Variants in ZBTB7A observed in about 807,000 individuals in gnomAD.
ZBTB7A encodes the protein zinc finger and BTB domain-containing protein 7A.
A neutral mutation model predicts 26.7 loss-of-function variants in ZBTB7A; 7 were observed. The observed-to-expected ratio is 0.26, with a 90% CI of 0.15 to 0.49. The LOEUF is 0.49. Ranked by LOEUF, ZBTB7A falls within the 20% of genes least tolerant of loss-of-function variation. The pLI, the probability that ZBTB7A is intolerant of heterozygous loss-of-function variation, is 0.98. For synonymous variants in ZBTB7A, 452 were observed against 441.0 expected (o/e 1.02, Z -0.31); for missense variants, 617 against 919.5 (o/e 0.67, Z 4.25).
intron 1 of ZBTB7A, 196 bp from the exon 2 acceptor site, chr19:4,055,443 A>G: frequency 8.1e-6 from 8 of 985,268 alleles, no homozygotes; most frequent in East Asian, 1.1e-4. Context: ...CCAAAGCGAT[A>G]CATGCCCTGC....
Position 4,054,192 on chromosome 19 carries a change from G to A in ZBTB7A, c.1041C>T (p.Gly347=), listed in dbSNP as rs771403559. 5.6e-6 allele frequency: 9 copies of A among 1,593,292 alleles called. No homozygotes were observed. Among genetic ancestry groups the A allele is most frequent in the South Asian group, 1.1e-5 (1 of 90,594 alleles). The part of the protein sequence containing the change: ...SDEESRADDK[G]VMDYYLKYFS... ...AGTACTTCAGGTAGTAGTCCATGAC[G>A]CCCTTGTCGTCGGCCCGCGACTCCT... is the stretch of plus-strand genomic sequence containing the variant. Residue 347 remains glycine, a synonymous_variant, in exon 2 of 3, where the codon GGC becomes GGT. Coordinates refer to ENST00000322357, the MANE Select transcript of ZBTB7A (RefSeq NM_015898.4).
chr19:4,065,914 G>A (rs2040691551), intron 1 of ZBTB7A, among the ~76,000 whole-genome samples: 1 of 141,556 alleles, frequency 7.1e-6, no homozygotes. Context: ...CCCCCTGGCG[G>A]GCTGGCCCCG....
intron 2 of ZBTB7A, among the ~76,000 whole-genome samples, chr19:4,049,744 G>C (rs1013447377): frequency 6.6e-6 from 1 of 152,100 alleles, no homozygotes; most frequent in Admixed American, 6.5e-5. Context: ...CCCTATCTGG[G>C]CTCCACCCTG....
intron 1 of ZBTB7A, among the ~76,000 whole-genome samples, chr19:4,061,254 G>T (rs1302161307): frequency 6.6e-6 from 1 of 152,214 alleles, no homozygotes; most frequent in African/African-American, 2.4e-5. Context: ...GAGTGGTGGG[G>T]CCTGAGGAGG....
At chr19:4,051,430 T>C (rs2144982606) in intron 2 of ZBTB7A, among the ~76,000 whole-genome samples, 1 of 152,280 alleles carries the variant, frequency 6.6e-6, no homozygotes, top group East Asian at 1.9e-4. Flanking sequence ...CCCCTCTGGG[T>C]TCCTCCAGCC....
At chr19:4,059,092 T>G (rs886939398) in intron 1 of ZBTB7A, among the ~76,000 whole-genome samples, 10 of 152,154 alleles carry the variant, frequency 6.6e-5, no homozygotes, top group Non-Finnish European at 1.0e-4. Flanking sequence ...CGTCTGGCCC[T>G]GGGCCGCGGG....
intron 1 of ZBTB7A, among the ~76,000 whole-genome samples, chr19:4,058,726 G>A (rs1223747645): frequency 1.3e-5 from 2 of 152,274 alleles, no homozygotes; most frequent in East Asian, 1.9e-4. Context: ...TGACGCCGAC[G>A]GGCTTGAGCC....
rs539952996 is a variant in ZBTB7A at position 4,057,208 on chromosome 19, T to G, written c.-15-1961A>C. Among the ~76,000 whole-genome samples, 3 of 131,544 alleles carry G rather than the reference T, an allele frequency of 2.3e-5. No individual in the cohort carries two copies. In the East Asian group the frequency reaches 7.4e-4, roughly 33 times the overall value. The allele number at this position is 131,544 out of a possible 152,430, so 86.3% of individuals were successfully genotyped here. On this transcript the variant is annotated intron_variant, in intron 1 of 2. Transcript: ENST00000322357. The stretch of plus-strand genomic sequence containing the variant: ...TACTAAAAATACAAAATTAGCCAGG[T>G]GTGGTGGCGCGTGCCTGTAATCCCA...
At chr19:4,050,726 G>A (rs1260412889) in intron 2 of ZBTB7A, among the ~76,000 whole-genome samples, 1 of 152,170 alleles carries the variant, frequency 6.6e-6, no homozygotes, top group Non-Finnish European at 1.5e-5. Flanking sequence ...TACTGGGTTA[G>A]GTAAAATGTT....
intron 2 of ZBTB7A, among the ~76,000 whole-genome samples, chr19:4,049,166 G>GTATATATATATATATATATATA (rs1186333792): frequency 7.4e-5 from 1 of 13,476 alleles, no homozygotes; most frequent in Non-Finnish European, 1.5e-4. Flanking sequence ...GTGTGTGTGT[G>GTATATATATATATATATATATA]TGTATATATA....
At chr19:4,049,168 G>A (rs62131553) in intron 2 of ZBTB7A, among the ~76,000 whole-genome samples, 4,850 of 13,488 alleles carry the variant, frequency 0.36, 481 homozygotes, top group Non-Finnish European at 0.39. Flanking sequence ...GTGTGTGTGT[G>A]TATATATATA....
chr19:4,054,289 G>A lies in ZBTB7A; in HGVS notation c.944C>T (p.Ala315Val), dbSNP rs1487695504. The A allele has an allele frequency of 3.2e-6, 5 of 1,545,366 alleles. No individual in the cohort carries two copies. The highest frequency in any genetic ancestry group is 3.9e-5 in the Admixed American group (2 of 51,296). The change falls in exon 2 of 3, where the codon GCG (alanine) becomes GTG (valine). Residue 315 changes from alanine (A) to valine (V), a missense_variant. By Grantham distance (64) the Ala-to-Val change is moderately conservative. Around this residue, in one of 5 missense-constraint regions of ZBTB7A, gnomAD observed 331 missense variants for 391.3 expected, o/e 0.85. Transcript: ENST00000322357. Reference sequence around the variant, plus strand: ...CATCTGCTGCAGCAGCGTGCTGGCCGCCAGCCCGTCCACGTCGGGCCCGTC... The same window carrying A: ...CATCTGCTGCAGCAGCGTGCTGGCCACCAGCCCGTCCACGTCGGGCCCGTC... ...DGDGPDVDGLAASTLLQQMMS... is the reference protein window; with the variant it reads ...DGDGPDVDGLVASTLLQQMMS...
rs1277546084 is a variant in ZBTB7A at position 4,043,327 on chromosome 19, G to T, written c.*4425C>A. Among the ~76,000 whole-genome samples, 1 of 150,336 alleles carries T rather than the reference G, an allele frequency of 6.7e-6. No individual in the cohort carries two copies. Among genetic ancestry groups the T allele is most frequent in the Non-Finnish European group, 1.5e-5 (1 of 67,502 alleles). On this transcript the variant is annotated 3_prime_UTR_variant, in exon 3 of 3. Transcript: ENST00000322357. ...CGGTCGTAACAGGCTGCGTTTAGTG[G>T]TTCTTTTTTTTTTTTTATGTACAAG... is the stretch of plus-strand genomic sequence containing the variant.
chr19:4,043,714 GGCCCGGCCCCCCC>G lies in ZBTB7A; in HGVS notation c.*4025_*4037del, dbSNP rs1568226491. Among the ~76,000 whole-genome samples the G allele has an allele frequency of 6.1e-5, 3 of 49,056 alleles. No individual in the cohort carries two copies. The highest frequency in any genetic ancestry group is 2.2e-4 in the African/African-American group (3 of 13,400). The allele number at this position is 49,056 out of a possible 152,430, so 32.2% of individuals were successfully genotyped here. On this transcript the variant is annotated 3_prime_UTR_variant, in exon 3 of 3. Coordinates refer to ENST00000322357, the MANE Select transcript of ZBTB7A (RefSeq NM_015898.4). Reference sequence around the variant, plus strand: ...TCTCCCTGGCCCCCTCCACCCCCTGGGCCCGGCCCCCCCCCCCCCCCCCCGTAAATCTATGTAT... The same window carrying G: ...TCTCCCTGGCCCCCTCCACCCCCTGGCCCCCCCCCCCGTAAATCTATGTAT...
In ZBTB7A at chr19:4,052,194, G is replaced by C. The variant is rs746447577; in HGVS notation, c.1262+1777C>G. Among the ~76,000 whole-genome samples the C allele has an allele frequency of 1.3e-5, 2 of 152,212 alleles. No homozygotes were observed. The highest frequency in any genetic ancestry group is 2.9e-5 in the Non-Finnish European group (2 of 67,988). ...GCAGTGCCCGAGTCAGAATGAAACC[G>C]GGCCTGTGGCCTGCGGCCAGGGAGG... On this transcript the variant is annotated intron_variant, in intron 2 of 2. Coordinates refer to ENST00000322357, the MANE Select transcript of ZBTB7A (RefSeq NM_015898.4). This position sits in a 1 kb window ranked among gnomAD's most constrained non-coding sequence, Gnocchi z 4.9.
chr19:4,056,693 C>T (rs977441189), intron 1 of ZBTB7A, among the ~76,000 whole-genome samples: 16 of 152,252 alleles, frequency 1.1e-4, no homozygotes, highest in African/African-American at 3.9e-4. Flanking sequence ...CACAGTGAAA[C>T]TCTGTCTCTA....
chr19:4,057,411 G>C (rs2040592071), intron 1 of ZBTB7A, among the ~76,000 whole-genome samples: 1 of 152,180 alleles, frequency 6.6e-6, no homozygotes, highest in Non-Finnish European at 1.5e-5. Flanking sequence ...CTCGAGAGAA[G>C]TGCCCTGATC....
intron 1 of ZBTB7A, among the ~76,000 whole-genome samples, chr19:4,064,701 G>A (rs1276067822): frequency 6.6e-6 from 1 of 152,154 alleles, no homozygotes; most frequent in Non-Finnish European, 1.5e-5. Flanking sequence ...CAGCTGGCAG[G>A]GAGGTGGGGG....
At chr19:4,050,675 C>G (rs1453677895) in intron 2 of ZBTB7A, among the ~76,000 whole-genome samples, 3 of 152,150 alleles carry the variant, frequency 2.0e-5, no homozygotes, top group Non-Finnish European at 2.9e-5. Context: ...TAAAATGGCT[C>G]AATGAGGATC....
Sources: allele counts gnomAD v4.1 joint callset (sites outside exome capture counted in the v4.1 genomes callset), GRCh38; gene constraint gnomAD v4.1.1; regional missense constraint gnomAD v4.1.1; non-coding constraint Gnocchi (gnomAD v3.1); transcripts MANE v1.5; gene names NCBI Gene and HGNC (gene_info 2026-07-23, HGNC 2026-07-21).